Variants in CSMD3 observed in about 807,000 individuals in gnomAD.
CSMD3 encodes CUB and Sushi multiple domains 3, also known as CUB and sushi domain-containing protein 3.
In CSMD3, 177 loss-of-function variants were observed where a neutral mutation model predicts 435.2. That is an observed-to-expected ratio of 0.41 (90% CI 0.36 to 0.46). The LOEUF (loss-of-function observed/expected upper bound fraction) is 0.46. Among genes scored for constraint, CSMD3 ranks in the 20% least tolerant of loss-of-function variants. The pLI is 0.34. For missense variants in CSMD3, 4,265 were observed against 4,504.6 expected (o/e 0.95, Z 1.52); for synonymous variants, 1,656 against 1,520.5 (o/e 1.09, Z -2.07).
chr8:113,302,036 G>T (rs2093772837), intron 2 of CSMD3, among the ~76,000 whole-genome samples: 1 of 150,734 alleles, frequency 6.6e-6, no homozygotes, highest in Non-Finnish European at 1.5e-5. Context: ...TGATTTTATG[G>T]TTGCCTGGCT....
At chr8:112,278,527 T>C (rs1323245053) in intron 59 of CSMD3, among the ~76,000 whole-genome samples, 8 of 152,196 alleles carry the variant, frequency 5.3e-5, no homozygotes, top group Admixed American at 3.9e-4. Context: ...TGAATGATGC[T>C]AGGCTCAGAT....
At chr8:113,205,466 G>T (rs910742068) in intron 3 of CSMD3, among the ~76,000 whole-genome samples, 5 of 152,140 alleles carry the variant, frequency 3.3e-5, no homozygotes, top group African/African-American at 1.2e-4. Context: ...CAGATTTGTA[G>T]ACTAGGAGCA....
intron 5 of CSMD3, among the ~76,000 whole-genome samples, chr8:113,058,178 T>G (rs2088435190): frequency 6.6e-6 from 1 of 151,960 alleles, no homozygotes; most frequent in Admixed American, 6.6e-5. Flanking sequence ...AAATAAATTT[T>G]ATTACCCTAT....
intron 35 of CSMD3, among the ~76,000 whole-genome samples, chr8:112,399,448 A>T (rs2129892170): frequency 6.6e-6 from 1 of 152,040 alleles, no homozygotes; most frequent in Non-Finnish European, 1.5e-5. Flanking sequence ...TTTAGTAGAG[A>T]CAGATTTCCC....
intron 27 of CSMD3, among the ~76,000 whole-genome samples, chr8:112,534,772 A>T (rs1825890907): frequency 6.6e-6 from 1 of 152,134 alleles, no homozygotes; most frequent in Non-Finnish European, 1.5e-5. Context: ...ATTGATGCAA[A>T]AATCCTCAAT....
intron 1 of CSMD3, among the ~76,000 whole-genome samples, chr8:113,432,679 C>G (rs977529950): frequency 3.3e-5 from 5 of 152,152 alleles, no homozygotes; most frequent in Non-Finnish European, 7.3e-5. Flanking sequence ...AATGTGCTTT[C>G]CGAACTCCCC....
rs933063758 is a variant in CSMD3 at position 113,324,489 on chromosome 8, G to A, written c.179-9696C>T. ...CTCCAAGCCTTGGCAGCTTCCATGTGGTGTTGAGCCTGAGAGTGCACAGAA... is the reference window on the plus strand; with the variant it reads ...CTCCAAGCCTTGGCAGCTTCCATGTAGTGTTGAGCCTGAGAGTGCACAGAA... On this transcript the variant is annotated intron_variant, in intron 1 of 70. Coordinates refer to ENST00000297405, the MANE Select transcript of CSMD3 (RefSeq NM_198123.2). Among the ~76,000 whole-genome samples, 4 of 152,242 alleles carry A rather than the reference G, an allele frequency of 2.6e-5. No individual in the cohort carries two copies. In the South Asian group the frequency reaches 8.3e-4, roughly 32 times the overall value.
At chr8:113,115,043 ACT>A (rs767815141) in intron 4 of CSMD3, among the ~76,000 whole-genome samples, 4 of 152,128 alleles carry the variant, frequency 2.6e-5, no homozygotes, top group Non-Finnish European at 4.4e-5. Context: ...AGAATCAGAA[ACT>A]CTGGAGATGA....
intron 17 of CSMD3, among the ~76,000 whole-genome samples, chr8:112,657,617 AC>A (rs1286653114): frequency 6.6e-6 from 1 of 152,170 alleles, no homozygotes; most frequent in African/African-American, 2.4e-5. Flanking sequence ...TCAGGGTTAT[AC>A]TATATCCTGA....
intron 12 of CSMD3, among the ~76,000 whole-genome samples, chr8:112,804,717 T>A (rs976670393): frequency 6.6e-6 from 1 of 151,842 alleles, no homozygotes; most frequent in African/African-American, 2.4e-5. Context: ...TAGGCTGGAG[T>A]GCATTGGCGC....
At chr8:112,524,645 A>C (rs1824667279) in intron 27 of CSMD3, among the ~76,000 whole-genome samples, 1 of 151,992 alleles carries the variant, frequency 6.6e-6, no homozygotes, top group South Asian at 2.1e-4. Context: ...AACTGAAAAA[A>C]TTATTAAGCA....
intron 5 of CSMD3, among the ~76,000 whole-genome samples, chr8:113,080,788 C>T (rs72683894): frequency 0.095 from 14,469 of 152,114 alleles, 883 homozygotes; most frequent in Middle Eastern, 0.17. Flanking sequence ...AATGTATTTC[C>T]TTCAGTTCTA....
chr8:112,451,509 C>CA (rs1816266820), intron 32 of CSMD3, among the ~76,000 whole-genome samples: 1 of 151,082 alleles, frequency 6.6e-6, no homozygotes, highest in African/African-American at 2.4e-5. Context: ...TGTTAGTAAA[C>CA]AAAATTAACA....
At chr8:112,270,343 A>AAT (rs1817354504) in intron 59 of CSMD3, among the ~76,000 whole-genome samples, 1 of 124,310 alleles carries the variant, frequency 8.0e-6, no homozygotes, top group African/African-American at 2.8e-5. Flanking sequence ...CAGAGGGGTG[A>AAT]GTGTGTGTGT....
chr8:113,348,221 T>C (rs1477524757), intron 1 of CSMD3, among the ~76,000 whole-genome samples: 1 of 152,182 alleles, frequency 6.6e-6, no homozygotes, highest in African/African-American at 2.4e-5. Context: ...CGTGTGCCTG[T>C]TGCTCTTCTA....
At chr8:112,960,632 C>T (rs1448550367) in intron 7 of CSMD3, among the ~76,000 whole-genome samples, 2 of 151,120 alleles carry the variant, frequency 1.3e-5, no homozygotes, top group African/African-American at 4.9e-5. Context: ...AAAGCAATGG[C>T]CATAATTTGA....
intron 4 of CSMD3, among the ~76,000 whole-genome samples, chr8:113,101,165 A>G (rs2090319446): frequency 6.6e-6 from 1 of 152,112 alleles, no homozygotes; most frequent in Non-Finnish European, 1.5e-5. Flanking sequence ...AGGTGTCCCC[A>G]TCAGTTCCAT....
intron 22 of CSMD3, among the ~76,000 whole-genome samples, chr8:112,600,142 CTA>C (rs1446180436): frequency 4.6e-5 from 7 of 151,858 alleles, no homozygotes; most frequent in African/African-American, 1.7e-4. Context: ...TGAAAAAAAT[CTA>C]TGTGATTTTT....
intron 13 of CSMD3, among the ~76,000 whole-genome samples, chr8:112,781,541 A>G (rs527926811): frequency 1.2e-4 from 19 of 152,228 alleles, no homozygotes; most frequent in African/African-American, 4.6e-4. Context: ...GGTAGGATTC[A>G]TCATCTGCTA....
Sources: allele counts gnomAD v4.1 joint callset (sites outside exome capture counted in the v4.1 genomes callset), GRCh38; gene constraint gnomAD v4.1.1; transcripts MANE v1.5; gene names NCBI Gene and HGNC (gene_info 2026-07-23, HGNC 2026-07-21).